SLC24A3: variants seen among roughly 807,000 people sequenced by gnomAD.
SLC24A3 encodes sodium/potassium/calcium exchanger 3.
In SLC24A3, 28 loss-of-function variants were observed where a neutral mutation model predicts 75.8. The ratio of observed to expected loss-of-function variants is 0.37; its 90% CI spans 0.27 to 0.51. The LOEUF (loss-of-function observed/expected upper bound fraction) is 0.51, where lower values mean the gene tolerates loss of function less well. Ranked by LOEUF, SLC24A3 falls within the 20% of genes least tolerant of loss-of-function variation. SLC24A3 has a pLI of 0.94. For missense variants in SLC24A3, 663 were observed against 847.8 expected, an observed-to-expected ratio of 0.78 and a Z score of 2.71; for synonymous variants, 372 against 334.1, an observed-to-expected ratio of 1.11 and a Z score of -1.24.
At chr20:19,364,526 T>C (rs146853031) in intron 2 of SLC24A3, among the ~76,000 whole-genome samples, 82 of 151,974 alleles carry the variant, frequency 5.4e-4, no homozygotes, top group Non-Finnish European at 1.1e-3. Context: ...TGCAGTCATG[T>C]TTCACTGCAG....
chr20:19,676,023 G>C (rs2032518793), intron 9 of SLC24A3, among the ~76,000 whole-genome samples: 1 of 152,204 alleles, frequency 6.6e-6, no homozygotes, highest in Non-Finnish European at 1.5e-5. Flanking sequence ...TCGCCACACA[G>C]TGTCTGCTCT....
At chr20:19,441,529 G>A (rs547890256) in intron 2 of SLC24A3, among the ~76,000 whole-genome samples, 42 of 152,232 alleles carry the variant, frequency 2.8e-4, no homozygotes, top group Non-Finnish European at 5.6e-4. Flanking sequence ...TTATTTTTAA[G>A]AGTAGTTTTA....
chr20:19,444,148 A>G (rs1018160392), intron 2 of SLC24A3, among the ~76,000 whole-genome samples: 4 of 152,188 alleles, frequency 2.6e-5, no homozygotes, highest in Non-Finnish European at 5.9e-5. Flanking sequence ...ATTGATTTCA[A>G]ATATCAATCC....
chr20:19,330,809 C>T (rs1466151042), intron 2 of SLC24A3, among the ~76,000 whole-genome samples: 3 of 152,196 alleles, frequency 2.0e-5, no homozygotes, highest in Non-Finnish European at 4.4e-5. Flanking sequence ...GTAAATATGA[C>T]AGCACCTTGA....
intron 2 of SLC24A3, among the ~76,000 whole-genome samples, chr20:19,296,842 A>G (rs6045973): frequency 0.06 from 9,071 of 152,256 alleles, 594 homozygotes; most frequent in African/African-American, 0.17. Flanking sequence ...TCACATAATT[A>G]GAAGTAAAAC....
chr20:19,274,590 C>T (rs1983426849), intron 1 of SLC24A3, among the ~76,000 whole-genome samples: 2 of 152,146 alleles, frequency 1.3e-5, no homozygotes, highest in Admixed American at 1.3e-4. Flanking sequence ...GGACCTTGAA[C>T]AAAAGCACAG....
rs953725334 is a variant in SLC24A3, at chr20:19,584,165, T to A, written c.424-806T>A. On this transcript the variant is annotated intron_variant, in intron 4 of 16. Coordinates refer to ENST00000328041, the MANE Select transcript of SLC24A3 (RefSeq NM_020689.4). ...TGGTTACCAGCCTCTAATGTATAATTGCCTTGTCTTCTTGTAAATCACCTT... is the reference window on the plus strand; with the variant it reads ...TGGTTACCAGCCTCTAATGTATAATAGCCTTGTCTTCTTGTAAATCACCTT... Among the ~76,000 whole-genome samples, 17 of 152,180 alleles carry A rather than the reference T, an allele frequency of 1.1e-4. No individual in the cohort carries two copies. In the East Asian group the frequency reaches 2.7e-3, roughly 24 times the overall value.
chr20:19,348,728 T>C (rs1261104619), intron 2 of SLC24A3, among the ~76,000 whole-genome samples: 2 of 152,110 alleles, frequency 1.3e-5, no homozygotes, highest in East Asian at 3.9e-4. Flanking sequence ...CACCTTACAG[T>C]CTCCATCCTC....
intron 6 of SLC24A3, among the ~76,000 whole-genome samples, chr20:19,650,346 A>C (rs2032187777): frequency 1.3e-5 from 2 of 152,204 alleles, no homozygotes; most frequent in Non-Finnish European, 2.9e-5. Flanking sequence ...AGTAAAACTA[A>C]GTGGATAATT....
intron 7 of SLC24A3, among the ~76,000 whole-genome samples, chr20:19,664,453 T>G (rs2032374618): frequency 6.6e-6 from 1 of 152,242 alleles, no homozygotes; most frequent in African/African-American, 2.4e-5. Flanking sequence ...AATGGCTTGT[T>G]GGGAAGAATG....
At chr20:19,235,086 C>T (rs1378394573) in intron 1 of SLC24A3, among the ~76,000 whole-genome samples, 1 of 152,248 alleles carries the variant, frequency 6.6e-6, no homozygotes, top group Non-Finnish European at 1.5e-5. Context: ...TTCTTATATC[C>T]TCTACTGTCC....
Position 19,212,913 on chromosome 20 carries a change from T to C in SLC24A3, c.71T>C (p.Leu24Pro). ...CGCCGCCGCCGGAGGGACCTTCTGC[T>C]GAGCCAGCTCTGCTTCCTGGCCTCG... ...RRRRRRRDLLLSQLCFLASVA... is the reference protein window; with the variant it reads ...RRRRRRRDLLPSQLCFLASVA... Residue 24 changes from leucine to proline, a missense_variant, in exon 1 of 17, where the codon CTG becomes CCG. Around this residue, in one of 2 missense-constraint regions of SLC24A3, gnomAD observed 153 missense variants for 144.2 expected, o/e 1.06. Transcript: ENST00000328041. The C allele has an allele frequency of 1.5e-6, 2 of 1,349,516 alleles. No homozygotes were observed. The highest frequency in any genetic ancestry group is 1.9e-6 in the Non-Finnish European group (2 of 1,046,494). 83.6% of individuals were successfully genotyped at this position (1,349,516 alleles called of 1,614,324 possible). A position where few individuals can be genotyped will look rare whatever the true frequency, so the allele number is the denominator to read the frequency against.
chr20:19,644,220 C>G (rs973288787), intron 6 of SLC24A3, among the ~76,000 whole-genome samples: 1 of 152,194 alleles, frequency 6.6e-6, no homozygotes, highest in Non-Finnish European at 1.5e-5. Context: ...CCAGATCCCA[C>G]TTCTCACGGG....
At chr20:19,689,156 T>C (rs547612700) in intron 12 of SLC24A3, among the ~76,000 whole-genome samples, 2 of 152,272 alleles carry the variant, frequency 1.3e-5, no homozygotes, top group South Asian at 2.1e-4. Flanking sequence ...TACACCAAAA[T>C]ATAAGTAGGT....
chr20:19,353,215 A>G (rs942368661), intron 2 of SLC24A3, among the ~76,000 whole-genome samples: 2 of 152,228 alleles, frequency 1.3e-5, no homozygotes, highest in Non-Finnish European at 2.9e-5. Flanking sequence ...TAAGTGATGC[A>G]TGACTGTATT....
At chr20:19,449,213 C>T (rs745815118) in intron 2 of SLC24A3, among the ~76,000 whole-genome samples, 24 of 152,298 alleles carry the variant, frequency 1.6e-4, no homozygotes, top group Non-Finnish European at 2.6e-4. Context: ...CTACCACCCC[C>T]GATCCTTGGT....
At chr20:19,516,397 G>A (rs2029988778) in intron 3 of SLC24A3, among the ~76,000 whole-genome samples, 1 of 152,218 alleles carries the variant, frequency 6.6e-6, no homozygotes, top group South Asian at 2.1e-4. Context: ...TTCCATTCTA[G>A]TTATTTATCG....
intron 2 of SLC24A3, among the ~76,000 whole-genome samples, chr20:19,380,068 G>C (rs751921381): frequency 2.6e-5 from 4 of 152,184 alleles, no homozygotes; most frequent in Non-Finnish European, 5.9e-5. Context: ...AATGGAGGCA[G>C]GTAATAATCA....
intron 2 of SLC24A3, among the ~76,000 whole-genome samples, chr20:19,464,308 G>A (rs1389784387): frequency 2.0e-5 from 3 of 152,212 alleles, no homozygotes; most frequent in Admixed American, 2.0e-4. Context: ...CTGCCCCTCA[G>A]GACTCCTGAG....
Sources: allele counts gnomAD v4.1 joint callset (sites outside exome capture counted in the v4.1 genomes callset), GRCh38; gene constraint gnomAD v4.1.1; regional missense constraint gnomAD v4.1.1; transcripts MANE v1.5; gene names NCBI Gene and HGNC (gene_info 2026-07-23, HGNC 2026-07-21).